Variants in CNTN5 observed in about 807,000 individuals in gnomAD.
The protein encoded by CNTN5 is contactin-5.
CNTN5 carries 77 observed loss-of-function variants against 129.1 expected under a neutral mutation model. The observed-to-expected ratio is 0.60, with a 90% CI of 0.50 to 0.72. CNTN5 has a LOEUF of 0.72. Among genes scored for constraint, CNTN5 ranks in the 30% least tolerant of loss-of-function variants. The pLI, the probability that CNTN5 is intolerant of heterozygous loss-of-function variation, is 0.00. For synonymous variants in CNTN5, 509 were observed against 465.6 expected, an observed-to-expected ratio of 1.09 and a Z score of -1.20; for missense variants, 1,478 against 1,328.8, an observed-to-expected ratio of 1.11 and a Z score of -1.75.
At chr11:99,768,996 C>A (rs1201525415) in intron 3 of CNTN5, among the ~76,000 whole-genome samples, 1 of 151,652 alleles carries the variant, frequency 6.6e-6, no homozygotes, top group Admixed American at 6.6e-5. Context: ...TGTTTATGAC[C>A]TGGCATTCCT....
At chr11:100,341,071 A>G (rs911991799) in intron 22 of CNTN5, 22 bp from the exon 23 acceptor site, 1 of 1,475,270 alleles carries the variant, frequency 6.8e-7, no homozygotes, top group Non-Finnish European at 9.5e-7. Flanking sequence ...TTGTCAGTTC[A>G]CTTTCACTTT....
At chr11:99,066,637 C>T (rs1865114880) in intron 1 of CNTN5, among the ~76,000 whole-genome samples, 1 of 152,032 alleles carries the variant, frequency 6.6e-6, no homozygotes, top group Admixed American at 6.6e-5. Flanking sequence ...AAGGTTATTC[C>T]CCAGTGACCT....
chr11:100,178,783 T>C (rs1292234981), intron 13 of CNTN5, among the ~76,000 whole-genome samples: 2 of 152,180 alleles, frequency 1.3e-5, no homozygotes, highest in African/African-American at 4.8e-5. Context: ...GGATATTCTA[T>C]TTTTCTCTAT....
intron 1 of CNTN5, among the ~76,000 whole-genome samples, chr11:99,039,781 T>G (rs1441665620): frequency 6.6e-6 from 1 of 152,096 alleles, no homozygotes; most frequent in Non-Finnish European, 1.5e-5. Context: ...GCCCTTGTGT[T>G]GAGAAATAGA....
chr11:99,838,978 T>G (rs970403996), intron 4 of CNTN5, among the ~76,000 whole-genome samples: 1 of 152,310 alleles, frequency 6.6e-6, no homozygotes, highest in South Asian at 2.1e-4. Flanking sequence ...GTTGTGGACA[T>G]ATCTTTTAAA....
chr11:99,695,531 A>C (rs747291680), intron 3 of CNTN5, among the ~76,000 whole-genome samples: 2 of 152,048 alleles, frequency 1.3e-5, no homozygotes, highest in Non-Finnish European at 2.9e-5. Flanking sequence ...ATGAGTATAA[A>C]ATATTTTATA....
At chr11:100,027,281 T>C (rs1259066736) in intron 9 of CNTN5, among the ~76,000 whole-genome samples, 1 of 152,204 alleles carries the variant, frequency 6.6e-6, no homozygotes, top group African/African-American at 2.4e-5. Flanking sequence ...CATTTTTGTA[T>C]TCTTGATCTT....
chr11:99,772,621 G>C (rs1189485524), intron 3 of CNTN5, among the ~76,000 whole-genome samples: 1 of 152,068 alleles, frequency 6.6e-6, no homozygotes, highest in Non-Finnish European at 1.5e-5. Flanking sequence ...CAAATCTCAA[G>C]ATACTTTTGA....
At chr11:99,999,883 C>A (rs1172016642) in intron 8 of CNTN5, among the ~76,000 whole-genome samples, 4 of 152,010 alleles carry the variant, frequency 2.6e-5, no homozygotes, top group Non-Finnish European at 5.9e-5. Context: ...TGGAAATCAT[C>A]ATTCTCAGTA....
At chr11:100,024,717 G>A (rs953656636) in intron 9 of CNTN5, among the ~76,000 whole-genome samples, 3 of 152,212 alleles carry the variant, frequency 2.0e-5, no homozygotes, top group African/African-American at 7.2e-5. Flanking sequence ...GTGGCATTTT[G>A]TCCCTGCCCT....
intron 8 of CNTN5, among the ~76,000 whole-genome samples, chr11:100,000,023 G>A (rs1020056324): frequency 1.4e-5 from 2 of 145,670 alleles, no homozygotes; most frequent in Non-Finnish European, 3.0e-5. Context: ...GTGGGGAGCG[G>A]GGAGGGATAA....
chr11:99,434,535 T>A (rs1054298676), intron 2 of CNTN5, among the ~76,000 whole-genome samples: 13 of 152,134 alleles, frequency 8.5e-5, no homozygotes, highest in African/African-American at 3.1e-4. Context: ...CAGAAGTCTT[T>A]ACCATAATCC....
At chr11:99,108,569 A>G (rs10501901) in intron 1 of CNTN5, among the ~76,000 whole-genome samples, 72,932 of 151,958 alleles carry the variant, frequency 0.48, 17,732 homozygotes, top group East Asian at 0.61. Flanking sequence ...TATAAACATC[A>G]TAGAATTTCT....
intron 13 of CNTN5, among the ~76,000 whole-genome samples, chr11:100,152,681 TAA>T (rs1947108799): frequency 6.6e-6 from 1 of 152,140 alleles, no homozygotes; most frequent in Non-Finnish European, 1.5e-5. Context: ...TTTCAGTACT[TAA>T]AAGACTCAGA....
intron 2 of CNTN5, among the ~76,000 whole-genome samples, chr11:99,465,933 G>C (rs1944919198): frequency 6.8e-6 from 1 of 147,626 alleles, no homozygotes; most frequent in African/African-American, 2.5e-5. Flanking sequence ...CCAGGCTGGA[G>C]TGCAGTGGTG....
chr11:100,072,990 C>CCAAAAAAAA (rs1259078878), intron 12 of CNTN5, among the ~76,000 whole-genome samples: 1 of 79,054 alleles, frequency 1.3e-5, no homozygotes, highest in African/African-American at 6.1e-5. Context: ...TCCCAGGAGG[C>CCAAAAAAAA]AAAAAAAAAA....
In CNTN5 at chr11:99,844,344, C is replaced by T. The variant is rs143049425; in HGVS notation, c.278-508C>T. On this transcript the variant is annotated intron_variant, in intron 4 of 24. Transcript: ENST00000524871. ...TGCATGTTACATCATTTTTTTACACCCCAGAATTGTTAGCACTAAATGTAG... is the reference window on the plus strand; with the variant it reads ...TGCATGTTACATCATTTTTTTACACTCCAGAATTGTTAGCACTAAATGTAG... Among the ~76,000 whole-genome samples the T allele has an allele frequency of 6.6e-3, 1,005 of 151,804 alleles. 10 individuals are homozygous for T. The highest frequency in any genetic ancestry group is 0.023 in the African/African-American group (941 of 41,350).
At chr11:99,833,426 T>A (rs1947207846) in intron 4 of CNTN5, among the ~76,000 whole-genome samples, 1 of 152,160 alleles carries the variant, frequency 6.6e-6, no homozygotes, top group African/African-American at 2.4e-5. Context: ...ACAACCAATC[T>A]GTTTCTTACT....
intron 13 of CNTN5, among the ~76,000 whole-genome samples, chr11:100,118,407 TA>T (rs1945909216): frequency 6.6e-6 from 1 of 151,880 alleles, no homozygotes; most frequent in African/African-American, 2.4e-5. Flanking sequence ...TTCTTTTAAC[TA>T]TGCCTATCTA....
Sources: gnomAD v4.1 joint callset for allele counts (sites outside exome capture counted in the v4.1 genomes callset) on GRCh38, gnomAD v4.1.1 for gene constraint, MANE v1.5 for transcripts, NCBI Gene and HGNC (gene_info 2026-07-23, HGNC 2026-07-21) for gene names.